Variants in CNTN4 observed in about 807,000 individuals in gnomAD.
CNTN4 encodes contactin-4.
Under a neutral mutation model 122.5 loss-of-function variants are expected in CNTN4, and 77 were observed. The observed-to-expected ratio is 0.63, with a 90% confidence interval of 0.52 to 0.76. The LOEUF is 0.76. CNTN4 is among the 30% of genes least tolerant of loss of function. The probability of loss-of-function intolerance (pLI) is 0.00; values close to 1 mark genes in which losing one functional copy is unlikely to be tolerated. For missense variants in CNTN4, 1,256 were observed against 1,259.1 expected, an observed-to-expected ratio of 1.00 and a Z score of 0.04; for synonymous variants, 512 against 447.0, an observed-to-expected ratio of 1.15 and a Z score of -1.83.
chr3:2,207,753 T>A (rs1003562486), intron 2 of CNTN4, among the ~76,000 whole-genome samples: 1 of 152,058 alleles, frequency 6.6e-6, no homozygotes, highest in African/African-American at 2.4e-5. Context: ...AAGAAGAGAT[T>A]TTCAGTGTAG....
chr3:2,234,006 T>C (rs186503037), intron 2 of CNTN4, among the ~76,000 whole-genome samples: 6 of 152,296 alleles, frequency 3.9e-5, no homozygotes, highest in Non-Finnish European at 7.4e-5. Flanking sequence ...TGCCATATAA[T>C]TCCTTTCTCT....
chr3:2,117,020 T>A (rs2033399765), intron 2 of CNTN4, among the ~76,000 whole-genome samples: 1 of 152,140 alleles, frequency 6.6e-6, no homozygotes, highest in Non-Finnish European at 1.5e-5. Flanking sequence ...AGACACTAAC[T>A]CAGCGTCCTC....
chr3:3,045,180 G>A (rs566342790), intron 23 of CNTN4, among the ~76,000 whole-genome samples: 13 of 152,346 alleles, frequency 8.5e-5, no homozygotes, highest in East Asian at 3.9e-4. Flanking sequence ...AAGGAGGCCT[G>A]CCTGCCTCCT....
rs369263637 is a variant in CNTN4 at position 2,930,619 on chromosome 3, A to T, written c.1358+4840A>T. Among the ~76,000 whole-genome samples the T allele has an allele frequency of 9.2e-5, 14 of 152,330 alleles. No homozygotes were observed. In the East Asian group the frequency reaches 2.5e-3, roughly 27 times the overall value. On this transcript the variant is annotated intron_variant, in intron 13 of 24. Coordinates refer to ENST00000418658, the MANE Select transcript of CNTN4 (RefSeq NM_175607.3). ...CTAATACATTATGTCAAGCAAATGG[A>T]TAATAAGCAGGTATAGGTACGCCAC...
At chr3:2,221,296 G>T (rs765687476) in intron 2 of CNTN4, among the ~76,000 whole-genome samples, 3 of 151,996 alleles carry the variant, frequency 2.0e-5, no homozygotes, top group Admixed American at 6.6e-5. Context: ...CTGCATTTCA[G>T]ATTTTAGGTT....
At chr3:2,805,068 T>A (rs1202478001) in intron 6 of CNTN4, among the ~76,000 whole-genome samples, 1 of 152,028 alleles carries the variant, frequency 6.6e-6, no homozygotes, top group East Asian at 1.9e-4. Context: ...TCCCAGCTAC[T>A]TGGGAGGCTG....
intron 14 of CNTN4, among the ~76,000 whole-genome samples, chr3:3,004,065 C>T (rs1002484284): frequency 9.9e-5 from 15 of 151,258 alleles, no homozygotes; most frequent in East Asian, 1.9e-4. Flanking sequence ...CGGCCTGAAG[C>T]GTATACTTTA....
intron 3 of CNTN4, among the ~76,000 whole-genome samples, chr3:2,382,622 A>G (rs2046070098): frequency 6.6e-6 from 1 of 152,192 alleles, no homozygotes; most frequent in African/African-American, 2.4e-5. Flanking sequence ...TTTGAGTTTG[A>G]ATTACTGGTA....
intron 2 of CNTN4, among the ~76,000 whole-genome samples, chr3:2,167,326 T>A (rs1000728353): frequency 6.6e-6 from 1 of 152,030 alleles, no homozygotes; most frequent in Non-Finnish European, 1.5e-5. Flanking sequence ...CAGCCTCCTA[T>A]CACAACCACA....
intron 4 of CNTN4, among the ~76,000 whole-genome samples, chr3:2,606,502 T>A (rs753496394): frequency 6.6e-6 from 1 of 152,100 alleles, no homozygotes; most frequent in Non-Finnish European, 1.5e-5. Flanking sequence ...TAAAATAAAA[T>A]AAAATAACTC....
intron 2 of CNTN4, among the ~76,000 whole-genome samples, chr3:2,107,456 G>A (rs2032543639): frequency 6.6e-6 from 1 of 152,038 alleles, no homozygotes; most frequent in African/African-American, 2.4e-5. Context: ...AGCAAAGGAG[G>A]AAAATCCCCT....
intron 3 of CNTN4, among the ~76,000 whole-genome samples, chr3:2,556,005 A>G (rs2078705989): frequency 6.6e-6 from 1 of 152,210 alleles, no homozygotes; most frequent in Non-Finnish European, 1.5e-5. Flanking sequence ...CCTTATGACA[A>G]GAAACCAAGA....
At chr3:2,405,107 T>C (rs1245929548) in intron 3 of CNTN4, among the ~76,000 whole-genome samples, 1 of 152,216 alleles carries the variant, frequency 6.6e-6, no homozygotes, top group Non-Finnish European at 1.5e-5. Context: ...AATTGACTTG[T>C]TCTTTCCATA....
At chr3:2,482,040 G>A (rs1045287740) in intron 3 of CNTN4, among the ~76,000 whole-genome samples, 3 of 152,202 alleles carry the variant, frequency 2.0e-5, no homozygotes, top group East Asian at 1.9e-4. Flanking sequence ...AAAGATAGAC[G>A]AAAATGTGAA....
At chr3:2,383,247 C>T (rs1391104681) in intron 3 of CNTN4, among the ~76,000 whole-genome samples, 1 of 152,090 alleles carries the variant, frequency 6.6e-6, no homozygotes, top group Non-Finnish European at 1.5e-5. Context: ...ATTACCTATC[C>T]AGCATGTGAA....
At chr3:2,804,896 C>T (rs1383621448) in intron 6 of CNTN4, among the ~76,000 whole-genome samples, 1 of 152,132 alleles carries the variant, frequency 6.6e-6, no homozygotes, top group Admixed American at 6.5e-5. Flanking sequence ...CTTTATCGGC[C>T]AGGCGTGGTG....
chr3:2,510,975 A>T (rs1266949934), intron 3 of CNTN4, among the ~76,000 whole-genome samples: 1 of 152,164 alleles, frequency 6.6e-6, no homozygotes, highest in Non-Finnish European at 1.5e-5. Context: ...AAGAGGCACG[A>T]CTTGGGGAAC....
At chr3:2,555,770 G>T (rs2078695268) in intron 3 of CNTN4, among the ~76,000 whole-genome samples, 1 of 152,174 alleles carries the variant, frequency 6.6e-6, no homozygotes, top group Non-Finnish European at 1.5e-5. Context: ...GGTTTTTACT[G>T]ACTTTGTGAA....
intron 18 of CNTN4, 79 bp downstream of exon 18, chr3:3,037,407 C>T: frequency 6.4e-7 from 1 of 1,574,648 alleles, no homozygotes; most frequent in Non-Finnish European, 8.7e-7. Flanking sequence ...TCTTGCTGCT[C>T]TTCAGCGCTC....
Sources: gnomAD v4.1 joint callset for allele counts (sites outside exome capture counted in the v4.1 genomes callset) on GRCh38, gnomAD v4.1.1 for gene constraint, MANE v1.5 for transcripts, NCBI Gene and HGNC (gene_info 2026-07-23, HGNC 2026-07-21) for gene names.